DIPK2A: variants seen among roughly 807,000 people sequenced by gnomAD.
The protein encoded by DIPK2A is Golgi Protein of 49 kDa.
In DIPK2A, 27 loss-of-function variants were observed where a neutral mutation model predicts 39.0. The ratio of observed to expected loss-of-function variants is 0.69; its 90% CI spans 0.51 to 0.96. The LOEUF (loss-of-function observed/expected upper bound fraction) is 0.96. Among genes scored for constraint, DIPK2A ranks in the 40% least tolerant of loss-of-function variants. The pLI, the probability that DIPK2A is intolerant of heterozygous loss-of-function variation, is 0.00. For missense variants in DIPK2A, 528 were observed against 571.3 expected (o/e 0.92, Z 0.77); for synonymous variants, 298 against 240.8 (o/e 1.24, Z -2.20).
At chr3:143,986,273 A>G (rs959309387) in intron 2 of DIPK2A, 4 of 158,144 alleles carry the variant, frequency 2.5e-5, no homozygotes, top group African/African-American at 9.6e-5. Context: ...TTCTTGAAAT[A>G]TGGTTTGTAC....
Position 143,972,489 on chromosome 3 carries a change from A to G in DIPK2A, c.157A>G (p.Asn53Asp), listed in dbSNP as rs1431433602. 2 of 1,609,262 alleles carry G rather than the reference A, an allele frequency of 1.2e-6. No homozygotes were observed. The highest frequency in any genetic ancestry group is 1.7e-6 in the Non-Finnish European group (2 of 1,177,870). ...GACCGACCGGCGCTTCCTGCAGCTCAATAAGTGCCCGGCGTGCTTCGGCAC... is the reference window on the plus strand; with the variant it reads ...GACCGACCGGCGCTTCCTGCAGCTCGATAAGTGCCCGGCGTGCTTCGGCAC... ...ELTDRRFLQLNKCPACFGTSW... is the reference protein window; with the variant it reads ...ELTDRRFLQLDKCPACFGTSW... The change falls in exon 1 of 3, where the codon AAT (asparagine) becomes GAT (aspartate). Residue 53 changes from asparagine (N) to aspartate (D), a missense_variant. By Grantham distance (23) the Asn-to-Asp change is conservative. Transcript: ENST00000315691.
At chr3:143,976,553 TGTGA>T (rs1410110075) in intron 1 of DIPK2A, among the ~76,000 whole-genome samples, 54 of 103,614 alleles carry the variant, frequency 5.2e-4, no homozygotes, top group South Asian at 1.7e-3. Context: ...TGTGTGTGTG[TGTGA>T]GAGAGAGAGA....
rs1405156914 is a variant in DIPK2A, at chr3:143,978,634, A to ATC, written c.657+5646_657+5647insCT. 1.4e-4 allele frequency: 5 copies of ATC among 36,644 alleles called. No individual in the cohort carries two copies. The East Asian group carries it at 2.7e-3, about 20-fold the overall frequency. The allele number at this position is 36,644 out of a possible 1,614,324, so 2.3% of individuals were successfully genotyped here. On this transcript the variant is annotated intron_variant, in intron 1 of 2. Transcript: ENST00000315691. ...TATATATCTATATCTATATATATAT[A>ATC]TATATCTATATATATATATATATAT...
rs899899759 is a variant in DIPK2A at position 143,990,448 on chromosome 3, G to T, written c.*607G>T. 3.6e-5 allele frequency: 5 copies of T among 137,282 alleles called. No individual in the cohort carries two copies. The highest frequency in any genetic ancestry group is 2.5e-4 in the South Asian group (1 of 4,052). 8.5% of individuals were successfully genotyped at this position (137,282 alleles called of 1,614,324 possible). A position where few individuals can be genotyped will look rare whatever the true frequency, so the allele number is the denominator to read the frequency against. ...TGTGTTTTTTTTTTTTTTTTTTAAA[G>T]AAAGCTAAATATTACATTATGTAAA... On this transcript the variant is annotated 3_prime_UTR_variant, in exon 3 of 3. Transcript: ENST00000315691.
In DIPK2A at chr3:143,985,684, T is replaced by G. The variant is rs774761791; in HGVS notation, c.799T>G (p.Leu267Val). The change falls in exon 2 of 3, where the codon TTA (leucine) becomes GTA (valine). Residue 267 changes from leucine to valine, a missense_variant. Physicochemically the swap from Leu to Val is conservative, Grantham distance 32. Transcript: ENST00000315691. ...WEKRVDLAWQ[L>V]MEIAEQLTNN... is the part of the protein sequence containing the mutation. The stretch of plus-strand genomic sequence containing the variant: ...AAAACGAGTTGACCTCGCTTGGCAA[T>G]TAATGGAAATAGCAGAACAGCTTAC... 9.9e-6 allele frequency: 16 copies of G among 1,614,038 alleles called. No homozygotes were observed. The highest frequency in any genetic ancestry group is 1.4e-5 in the Non-Finnish European group (16 of 1,180,040).
In DIPK2A at chr3:143,972,249, T is replaced by A; in HGVS notation, c.-84T>A. 1 of 1,251,670 alleles carries A rather than the reference T, an allele frequency of 8.0e-7. No homozygotes were observed. The highest frequency in any genetic ancestry group is 1.0e-6 in the Non-Finnish European group (1 of 972,754). The allele number at this position is 1,251,670 out of a possible 1,614,324, so 77.5% of individuals were successfully genotyped here. A position where few individuals can be genotyped will look rare whatever the true frequency, so the allele number is the denominator to read the frequency against. On this transcript the variant is annotated 5_prime_UTR_variant, in exon 1 of 3. Coordinates refer to ENST00000315691, the MANE Select transcript of DIPK2A (RefSeq NM_173552.5). ...GCTAGCTCCTTCTCTCGCCCGGGGT[T>A]CCTGCCGGTAGCTCTCCGGGTCTTG...
intron 1 of DIPK2A, among the ~76,000 whole-genome samples, chr3:143,973,981 G>A (rs1262171122): frequency 6.6e-6 from 1 of 152,146 alleles, no homozygotes; most frequent in Non-Finnish European, 1.5e-5. Flanking sequence ...TGGGGTTGTG[G>A]TTTCTCCTTC....
In DIPK2A at chr3:143,972,068, G is replaced by T; in HGVS notation, c.-265G>T. On this transcript the variant is annotated 5_prime_UTR_variant, in exon 1 of 3. Transcript: ENST00000315691. The stretch of plus-strand genomic sequence containing the variant: ...ATAACTTGGCTGGCGTGGAGGAGGC[G>T]CCGCCGGAGTCGGAGGGCGGGGAGC... 1 of 375,522 alleles carries T rather than the reference G, an allele frequency of 2.7e-6. No homozygotes were observed. Among genetic ancestry groups the T allele is most frequent in the Non-Finnish European group, 4.7e-6 (1 of 211,860 alleles). 23.3% of individuals were successfully genotyped at this position (375,522 alleles called of 1,614,324 possible). A position where few individuals can be genotyped will look rare whatever the true frequency, so the allele number is the denominator to read the frequency against.
intron 1 of DIPK2A, among the ~76,000 whole-genome samples, chr3:143,981,274 T>C (rs572498225): frequency 6.6e-6 from 1 of 152,354 alleles, no homozygotes; most frequent in East Asian, 1.9e-4. Flanking sequence ...TATTTGTTTT[T>C]GCATGGCATA....
intron 2 of DIPK2A, among the ~76,000 whole-genome samples, chr3:143,987,460 G>A (rs9879081): frequency 0.085 from 12,965 of 152,110 alleles, 747 homozygotes; most frequent in East Asian, 0.24. Flanking sequence ...TGTCTCATGG[G>A]TCCTCTAAAT....
chr3:143,973,222 G>A (rs777149284), intron 1 of DIPK2A: 6 of 1,095,964 alleles, frequency 5.5e-6, no homozygotes, highest in Non-Finnish European at 8.0e-6. Flanking sequence ...GGCGCATTTC[G>A]GATTTGACTG....
At position 143,972,150 on chromosome 3, in the gene DIPK2A, G is replaced by A. The variant is rs976773123; in HGVS notation, c.-183G>A. On this transcript the variant is annotated 5_prime_UTR_variant, in exon 1 of 3. Coordinates refer to ENST00000315691, the MANE Select transcript of DIPK2A (RefSeq NM_173552.5). Reference sequence around the variant, plus strand: ...TAGTGACTGGGAGAAGTCGCAGCCCGCTCAGGCCCGCGCCTTCCCGCTCCC... The same window carrying A: ...TAGTGACTGGGAGAAGTCGCAGCCCACTCAGGCCCGCGCCTTCCCGCTCCC... 1.1e-5 allele frequency: 5 copies of A among 457,754 alleles called. No homozygotes were observed. The highest frequency in any genetic ancestry group is 1.8e-5 in the Non-Finnish European group (5 of 273,090). The allele number at this position is 457,754 out of a possible 1,614,324, so 28.4% of individuals were successfully genotyped here. A position where few individuals can be genotyped will look rare whatever the true frequency, so the allele number is the denominator to read the frequency against.
Position 143,990,032 on chromosome 3 carries a change from A to T in DIPK2A, c.*191A>T. On this transcript the variant is annotated 3_prime_UTR_variant, in exon 3 of 3. Transcript: ENST00000315691. ...TCAAAAATCACATGATGCTTCTGCA[A>T]ATAAGTATGTTCTTATACTTTGGAG... is the stretch of plus-strand genomic sequence containing the variant. 1 of 586,758 alleles carries T rather than the reference A, an allele frequency of 1.7e-6. No individual in the cohort carries two copies. The highest frequency in any genetic ancestry group is 3.0e-6 in the Non-Finnish European group (1 of 332,100). 36.3% of individuals were successfully genotyped at this position (586,758 alleles called of 1,614,324 possible).
Position 143,985,864 on chromosome 3 carries a change from G to T in DIPK2A, c.961+18G>T. The T allele has an allele frequency of 6.4e-7, 1 of 1,562,060 alleles. No homozygotes were observed. The highest frequency in any genetic ancestry group is 8.7e-7 in the Non-Finnish European group (1 of 1,152,940). On this transcript the variant is annotated intron_variant, in intron 2 of 2. Transcript: ENST00000315691. ...TAGACAAAGTAAGTATATAATTTTA[G>T]ATTTTTTTCTACTCATTTTTTCCTA...
Position 143,977,791 on chromosome 3 carries a change from A to C in DIPK2A, c.657+4802A>C, listed in dbSNP as rs111582747. 4.9e-4 allele frequency among the ~76,000 whole-genome samples: 75 copies of C among 152,244 alleles called. 2 individuals are homozygous for C. Among genetic ancestry groups the C allele is most frequent in the South Asian group, 2.7e-3 (13 of 4,830 alleles). On this transcript the variant is annotated intron_variant, in intron 1 of 2. Coordinates refer to ENST00000315691, the MANE Select transcript of DIPK2A (RefSeq NM_173552.5). ...TGATTGCTCTTCAAGATAATCAAACAAAAATAATAAAACAATTTTGGATAC... is the reference window on the plus strand; with the variant it reads ...TGATTGCTCTTCAAGATAATCAAACCAAAATAATAAAACAATTTTGGATAC...
Position 143,972,647 on chromosome 3 carries a change from C to T in DIPK2A, c.315C>T (p.Arg105=), listed in dbSNP as rs766506346. Residue 105 remains arginine, a synonymous_variant, in exon 1 of 3, where the codon CGC becomes CGT. Transcript: ENST00000315691. ...GCGAGCCCCGCGAGGGCGGCCGCCG[C>T]CGAGTGGTGCTCAAGCGCCTCGGCT... is the stretch of plus-strand genomic sequence containing the variant. ...QYGEPREGGR[R]RVVLKRLGSQ... The T allele has an allele frequency of 1.2e-6, 2 of 1,611,252 alleles. No individual in the cohort carries two copies. Among genetic ancestry groups the T allele is most frequent in the African/African-American group, 1.3e-5 (1 of 74,940 alleles).
At chr3:143,974,284 A>G (rs554693164) in intron 1 of DIPK2A, among the ~76,000 whole-genome samples, 2 of 152,350 alleles carry the variant, frequency 1.3e-5, no homozygotes, top group African/African-American at 2.4e-5. Context: ...TTGGCTTCAG[A>G]TGAAACTTTA....
intron 2 of DIPK2A, among the ~76,000 whole-genome samples, 155 bp from the exon 3 acceptor site, chr3:143,989,354 TG>T (rs1316442637): frequency 3.3e-5 from 5 of 152,238 alleles, no homozygotes; most frequent in African/African-American, 7.2e-5. Flanking sequence ...AGTGAATGTT[TG>T]TATGAATTTA....
intron 2 of DIPK2A, among the ~76,000 whole-genome samples, chr3:143,986,716 C>A (rs2107847706): frequency 7.1e-6 from 1 of 140,008 alleles, no homozygotes; most frequent in South Asian, 2.2e-4. Context: ...CAGCGAGACT[C>A]CGTCTCAAAA....
Sources: allele counts gnomAD v4.1 joint callset (sites outside exome capture counted in the v4.1 genomes callset), GRCh38; gene constraint gnomAD v4.1.1; transcripts MANE v1.5; gene names NCBI Gene and HGNC (gene_info 2026-07-23, HGNC 2026-07-21).